Variants in SGCZ observed in about 807,000 individuals in gnomAD.
SGCZ encodes sarcoglycan zeta, also known as zeta-sarcoglycan.
SGCZ carries 40 observed loss-of-function variants against 41.3 expected under a neutral mutation model. The ratio of observed to expected loss-of-function variants is 0.97; its 90% confidence interval spans 0.75 to 1.26. The LOEUF (loss-of-function observed/expected upper bound fraction) is 1.26, where lower values mean the gene tolerates loss of function less well. Ranked by LOEUF, SGCZ falls within the 50% of genes most tolerant of loss-of-function variation. The probability of loss-of-function intolerance (pLI) is 0.00; values close to 1 mark genes in which losing one functional copy is unlikely to be tolerated. For synonymous variants in SGCZ, 206 were observed against 137.5 expected (o/e 1.50, Z -3.49); for missense variants, 552 against 369.8 (o/e 1.49, Z -4.04).
chr8:15,209,404 C>G (rs1409270405), intron 1 of SGCZ, among the ~76,000 whole-genome samples: 1 of 53,496 alleles, frequency 1.9e-5, no homozygotes. Context: ...ACATTTTATT[C>G]CCATATCTCT....
intron 1 of SGCZ, among the ~76,000 whole-genome samples, chr8:15,225,857 T>A (rs996138488): frequency 6.6e-6 from 1 of 152,152 alleles, no homozygotes; most frequent in Non-Finnish European, 1.5e-5. Context: ...GCAAATTACA[T>A]TTTCTTACGA....
chr8:14,582,753 G>A (rs1804934010), intron 1 of SGCZ, among the ~76,000 whole-genome samples: 1 of 147,548 alleles, frequency 6.8e-6, no homozygotes, highest in Admixed American at 7.0e-5. Context: ...GTGAGAACAT[G>A]TGGTGTTTGG....
intron 1 of SGCZ, among the ~76,000 whole-genome samples, chr8:15,191,078 T>C (rs571475058): frequency 2.0e-5 from 3 of 152,198 alleles, no homozygotes; most frequent in African/African-American, 7.2e-5. Context: ...TATACTTTAA[T>C]ACAACAATAG....
At chr8:14,091,336 C>T (rs781439480) in intron 7 of SGCZ, among the ~76,000 whole-genome samples, 3 of 151,740 alleles carry the variant, frequency 2.0e-5, no homozygotes, top group African/African-American at 7.3e-5. Flanking sequence ...ATTTATAATC[C>T]TTTGGGTATA....
intron 2 of SGCZ, among the ~76,000 whole-genome samples, chr8:14,468,323 C>T (rs2116971096): frequency 6.6e-6 from 1 of 152,112 alleles, no homozygotes; most frequent in South Asian, 2.1e-4. Context: ...AATGACTACC[C>T]TTATCTTTAG....
At chr8:15,059,614 T>A (rs574310785) in intron 1 of SGCZ, among the ~76,000 whole-genome samples, 1 of 152,188 alleles carries the variant, frequency 6.6e-6, no homozygotes, top group Non-Finnish European at 1.5e-5. Flanking sequence ...AACTGCATAA[T>A]TAGGTTTCAA....
chr8:15,088,158 T>C (rs1460323047), intron 1 of SGCZ, among the ~76,000 whole-genome samples: 2 of 152,160 alleles, frequency 1.3e-5, no homozygotes, highest in Non-Finnish European at 2.9e-5. Context: ...TTATATTTTT[T>C]GGTGTTTGAT....
At chr8:15,093,355 C>T (rs955823887) in intron 1 of SGCZ, among the ~76,000 whole-genome samples, 50 of 152,270 alleles carry the variant, frequency 3.3e-4, no homozygotes, top group African/African-American at 1.2e-3. Context: ...ACAGTACTAT[C>T]TTGACACTCA....
At chr8:14,906,549 A>C (rs1480637608) in intron 1 of SGCZ, among the ~76,000 whole-genome samples, 1 of 152,178 alleles carries the variant, frequency 6.6e-6, no homozygotes, top group African/African-American at 2.4e-5. Flanking sequence ...GCCACTTACA[A>C]TTTAATTTAA....
chr8:14,999,133 A>G (rs1181886736), intron 1 of SGCZ, among the ~76,000 whole-genome samples: 1 of 152,216 alleles, frequency 6.6e-6, no homozygotes, highest in African/African-American at 2.4e-5. Context: ...ACAGAAAACA[A>G]TGTGTGAATG....
At chr8:14,420,668 G>C (rs1799614620) in intron 2 of SGCZ, among the ~76,000 whole-genome samples, 1 of 152,012 alleles carries the variant, frequency 6.6e-6, no homozygotes, top group Non-Finnish European at 1.5e-5. Flanking sequence ...CAATAGAACT[G>C]GAGAAATACC....
At chr8:14,847,129 G>GAAGAAGAAGAAGA in intron 1 of SGCZ, among the ~76,000 whole-genome samples, 1 of 69,244 alleles carries the variant, frequency 1.4e-5, no homozygotes, top group Non-Finnish European at 2.8e-5. Context: ...GAAGAAGAAA[G>GAAGAAGAAGAAGA]AAGAAGAAGA....
intron 1 of SGCZ, among the ~76,000 whole-genome samples, chr8:14,563,984 T>C (rs2117213357): frequency 6.6e-6 from 1 of 152,190 alleles, no homozygotes; most frequent in Non-Finnish European, 1.5e-5. Context: ...CAGTAAATTA[T>C]TTGCTCTTCT....
chr8:15,229,158 C>T (rs1454558455), intron 1 of SGCZ, among the ~76,000 whole-genome samples: 2 of 152,030 alleles, frequency 1.3e-5, no homozygotes, highest in African/African-American at 4.8e-5. Flanking sequence ...TGCCACTATA[C>T]TCCAGCCTGG....
At chr8:14,916,815 G>C (rs1180370975) in intron 1 of SGCZ, among the ~76,000 whole-genome samples, 2 of 152,038 alleles carry the variant, frequency 1.3e-5, no homozygotes, top group African/African-American at 4.8e-5. Context: ...ATAGAGCCAA[G>C]GATTCAGCTG....
intron 4 of SGCZ, among the ~76,000 whole-genome samples, chr8:14,171,851 C>A (rs1804392846): frequency 6.6e-6 from 1 of 151,994 alleles, no homozygotes; most frequent in African/African-American, 2.4e-5. Flanking sequence ...TTCTGAAATT[C>A]ATTTAGTGGA....
chr8:14,664,646 T>C (rs971752783), intron 1 of SGCZ, among the ~76,000 whole-genome samples: 11 of 152,208 alleles, frequency 7.2e-5, no homozygotes, highest in Admixed American at 2.0e-4. Flanking sequence ...TTACTTAAAA[T>C]GACTTATTTC....
intron 3 of SGCZ, among the ~76,000 whole-genome samples, chr8:14,261,624 T>C (rs952414903): frequency 6.6e-6 from 1 of 152,200 alleles, no homozygotes; most frequent in Non-Finnish European, 1.5e-5. Context: ...TTTATAGTTA[T>C]TCTTAAATTT....
intron 1 of SGCZ, among the ~76,000 whole-genome samples, chr8:14,745,078 T>C (rs1799304486): frequency 6.6e-6 from 1 of 152,172 alleles, no homozygotes; most frequent in African/African-American, 2.4e-5. Context: ...TCAACAATTT[T>C]TCATCCTCTC....
Sources: gnomAD v4.1 joint callset for allele counts (sites outside exome capture counted in the v4.1 genomes callset) on GRCh38, gnomAD v4.1.1 for gene constraint, MANE v1.5 for transcripts, NCBI Gene and HGNC (gene_info 2026-07-23, HGNC 2026-07-21) for gene names.